The following HLCS variants were observed in gnomAD, a reference collection of about 807,000 sequenced individuals.
HLCS encodes the protein biotin--protein ligase.
A neutral mutation model predicts 75.0 loss-of-function variants in HLCS; 53 were observed. The ratio of observed to expected loss-of-function variants is 0.71; its 90% CI spans 0.57 to 0.89. The LOEUF (loss-of-function observed/expected upper bound fraction) is 0.89. HLCS is among the 40% of genes least tolerant of loss of function. The pLI is 0.00. For missense variants in HLCS, 966 were observed against 1,074.0 expected, an observed-to-expected ratio of 0.90 and a Z score of 1.41; for synonymous variants, 431 against 428.6, an observed-to-expected ratio of 1.01 and a Z score of -0.07.
At chr21:36,766,731 G>A (rs138725386) in intron 7 of HLCS, among the ~76,000 whole-genome samples, 3 of 152,176 alleles carry the variant, frequency 2.0e-5, no homozygotes, top group South Asian at 2.1e-4. Flanking sequence ...CCTGGGCAGC[G>A]CTCTGCTTCT....
intron 6 of HLCS, among the ~76,000 whole-genome samples, chr21:36,831,172 T>G (rs909864364): frequency 1.3e-5 from 2 of 152,212 alleles, no homozygotes; most frequent in Non-Finnish European, 1.5e-5. Flanking sequence ...CAATCTATTT[T>G]TTTTAACATT....
At chr21:36,887,930 A>G (rs1318157399) in intron 6 of HLCS, among the ~76,000 whole-genome samples, 1 of 152,250 alleles carries the variant, frequency 6.6e-6, no homozygotes, top group Non-Finnish European at 1.5e-5. Context: ...GCCATCTGGA[A>G]AGCTAATGAA....
At chr21:36,928,767 A>G (rs1046412227) in intron 5 of HLCS, among the ~76,000 whole-genome samples, 1 of 152,234 alleles carries the variant, frequency 6.6e-6, no homozygotes, top group Admixed American at 6.5e-5. Context: ...ATTTCTGAAA[A>G]TAATTATTTT....
chr21:36,864,096 C>T (rs1045859413), intron 6 of HLCS, among the ~76,000 whole-genome samples: 1 of 152,090 alleles, frequency 6.6e-6, no homozygotes, highest in African/African-American at 2.4e-5. Flanking sequence ...TGTTATCCAC[C>T]ATCATCTAAA....
chr21:36,950,957 T>C (rs1396579936), intron 2 of HLCS, among the ~76,000 whole-genome samples: 30 of 152,152 alleles, frequency 2.0e-4, no homozygotes, highest in Admixed American at 2.0e-3. Flanking sequence ...CTGACACCAT[T>C]GGCAGGGAAG....
At chr21:36,795,557 T>C (rs576962657) in intron 6 of HLCS, among the ~76,000 whole-genome samples, 1 of 152,362 alleles carries the variant, frequency 6.6e-6, no homozygotes, top group African/African-American at 2.4e-5. Context: ...TAGTTATATT[T>C]CTAACAGAAA....
intron 6 of HLCS, among the ~76,000 whole-genome samples, chr21:36,840,507 C>G (rs1056989238): frequency 6.6e-6 from 1 of 152,074 alleles, no homozygotes; most frequent in Non-Finnish European, 1.5e-5. Context: ...ATAAATGTCT[C>G]CCATATTTTA....
rs188021149 is a variant in HLCS at position 36,899,316 on chromosome 21, T to C, written c.1621-2185A>G. ...GTAAAAAAAAGTGGTGAAATAAACA[T>C]AAGCTATTTAAAAATAATAAATTCA... On this transcript the variant is annotated intron_variant, in intron 5 of 10. Transcript: ENST00000674895. 3.3e-3 allele frequency among the ~76,000 whole-genome samples: 495 copies of C among 152,096 alleles called. 3 individuals are homozygous for C. The highest frequency in any genetic ancestry group is 0.012 in the African/African-American group (479 of 41,520).
At chr21:36,959,560 C>T (rs1037730462) in intron 2 of HLCS, among the ~76,000 whole-genome samples, 5 of 152,218 alleles carry the variant, frequency 3.3e-5, no homozygotes, top group African/African-American at 1.2e-4. Flanking sequence ...GCTGTCAGTT[C>T]CAGGTGAAGC....
chr21:36,850,293 G>C (rs1287971360), intron 6 of HLCS, among the ~76,000 whole-genome samples: 1 of 152,230 alleles, frequency 6.6e-6, no homozygotes, highest in Non-Finnish European at 1.5e-5. Context: ...AAGGGACTCG[G>C]AGAATGGAGG....
chr21:36,803,579 G>C (rs1383125356), intron 6 of HLCS, among the ~76,000 whole-genome samples: 1 of 152,082 alleles, frequency 6.6e-6, no homozygotes, highest in Non-Finnish European at 1.5e-5. Context: ...AGCCCCGACA[G>C]GTTTTGGCTG....
chr21:36,850,276 A>C (rs1290764885), intron 6 of HLCS, among the ~76,000 whole-genome samples: 1 of 152,224 alleles, frequency 6.6e-6, no homozygotes. Flanking sequence ...AATGTTCTCT[A>C]CTAAAGAAGG....
chr21:36,868,683 A>G (rs1433331653), intron 6 of HLCS, among the ~76,000 whole-genome samples: 2 of 152,100 alleles, frequency 1.3e-5, no homozygotes, highest in Non-Finnish European at 2.9e-5. Flanking sequence ...TCATGAGAAC[A>G]TTGTCTGGCA....
intron 5 of HLCS, among the ~76,000 whole-genome samples, chr21:36,924,178 G>A (rs1458732594): frequency 6.6e-6 from 1 of 152,208 alleles, no homozygotes; most frequent in Non-Finnish European, 1.5e-5. Context: ...TTAAAAATAG[G>A]AGAAGGGGAG....
intron 6 of HLCS, among the ~76,000 whole-genome samples, chr21:36,803,375 C>T (rs906541961): frequency 4.6e-5 from 7 of 152,246 alleles, no homozygotes; most frequent in African/African-American, 1.7e-4. Context: ...ACTTCCATAA[C>T]ATTGAAAGCA....
Position 36,835,912 on chromosome 21 carries a change from A to AT in HLCS, c.1892+60947dup, listed in dbSNP as rs371316267. ...TAATACCCACAAAGACCTGATTCCC[A>AT]TTTTTAAAATCAAACCAGGAGTCCC... On this transcript the variant is annotated intron_variant, in intron 6 of 10. Transcript: ENST00000674895. Among the ~76,000 whole-genome samples the AT allele has an allele frequency of 1.3e-4, 20 of 151,894 alleles. 1 individual carries two copies. The highest frequency in any genetic ancestry group is 4.3e-4 in the African/African-American group (18 of 41,388).
At chr21:36,757,606 G>C (rs921889623) in intron 9 of HLCS, among the ~76,000 whole-genome samples, 2 of 152,118 alleles carry the variant, frequency 1.3e-5, no homozygotes, top group Non-Finnish European at 2.9e-5. Flanking sequence ...CAAAACATTC[G>C]CCACAGGCAG....
At chr21:36,969,355 G>C (rs1415749242), upstream of HLCS, among the ~76,000 whole-genome samples, 1 of 152,138 alleles carries the variant, frequency 6.6e-6, no homozygotes, top group African/African-American at 2.4e-5. Context: ...CCTTAGAGCA[G>C]CAGCAGCAGC....
At chr21:36,971,689 CGCAGTGGCATACACCT>C (rs2068793587) in intron 1 of HLCS, 1 of 151,940 alleles carries the variant, frequency 6.6e-6, no homozygotes, top group African/African-American at 2.4e-5. Context: ...CTTAGCCAGG[CGCAGTGGCATACACCT>C]GCAGTCCCAC....
Sources: gnomAD v4.1 joint callset for allele counts (sites outside exome capture counted in the v4.1 genomes callset) on GRCh38, gnomAD v4.1.1 for gene constraint, MANE v1.5 for transcripts, NCBI Gene and HGNC (gene_info 2026-07-23, HGNC 2026-07-21) for gene names.